Variants in CCDC93 observed in about 807,000 individuals in gnomAD.
CCDC93 encodes the protein coiled-coil domain-containing protein 93.
Under a neutral mutation model 108.2 loss-of-function variants are expected in CCDC93, and 61 were observed. The ratio of observed to expected loss-of-function variants is 0.56; its 90% CI spans 0.46 to 0.70. The LOEUF (loss-of-function observed/expected upper bound fraction) is 0.70. Ranked by LOEUF, CCDC93 falls within the 30% of genes least tolerant of loss-of-function variation. CCDC93 has a pLI of 0.00. For synonymous variants in CCDC93, 276 were observed against 260.4 expected, an observed-to-expected ratio of 1.06 and a Z score of -0.58; for missense variants, 685 against 764.2, an observed-to-expected ratio of 0.90 and a Z score of 1.22.
intron 7 of CCDC93, among the ~76,000 whole-genome samples, chr2:117,980,511 A>T (rs1680083898): frequency 6.6e-6 from 1 of 152,144 alleles, no homozygotes; most frequent in Non-Finnish European, 1.5e-5. Context: ...ACTCCTCCTT[A>T]AAGACAGAGG....
At chr2:117,980,546 C>T (rs1174201830) in intron 7 of CCDC93, among the ~76,000 whole-genome samples, 1 of 152,148 alleles carries the variant, frequency 6.6e-6, no homozygotes, top group African/African-American at 2.4e-5. Context: ...TTTTAGTAAG[C>T]CCTCCAGATG....
intron 6 of CCDC93, among the ~76,000 whole-genome samples, chr2:117,989,874 C>T (rs1366703945): frequency 6.6e-6 from 1 of 152,172 alleles, no homozygotes; most frequent in Admixed American, 6.5e-5. Context: ...ATGAAAAGGA[C>T]TTCCTCACAG....
At chr2:117,985,714 C>A (rs1051833265) in intron 7 of CCDC93, among the ~76,000 whole-genome samples, 3 of 152,142 alleles carry the variant, frequency 2.0e-5, no homozygotes, top group African/African-American at 7.2e-5. Context: ...CAGAGTACCT[C>A]AGCCTCTGTA....
intron 14 of CCDC93, 30 bp from the exon 15 acceptor site, chr2:117,948,216 T>C (rs751379105): frequency 4.6e-6 from 7 of 1,512,342 alleles, no homozygotes; most frequent in Non-Finnish European, 6.4e-6. Flanking sequence ...AAATGACATA[T>C]GGCAGGCCAT....
intron 11 of CCDC93, among the ~76,000 whole-genome samples, chr2:117,963,626 T>C (rs1679462842): frequency 6.6e-6 from 1 of 152,252 alleles, no homozygotes; most frequent in African/African-American, 2.4e-5. Context: ...TCTAAGGCTT[T>C]GCTTTGGGTC....
At chr2:117,930,754 G>T in intron 23 of CCDC93, 1 of 249,166 alleles carries the variant, frequency 4.0e-6, no homozygotes, top group Non-Finnish European at 7.7e-6. Flanking sequence ...CCCTTGATAC[G>T]GACTGATGGA....
At chr2:118,008,885 C>G in intron 1 of CCDC93, 1 of 503,662 alleles carries the variant, frequency 2.0e-6, no homozygotes, top group Non-Finnish European at 3.6e-6. Context: ...ATCTTCATAG[C>G]TGAGGGAGAC....
At position 117,989,266 on chromosome 2, in the gene CCDC93, C is replaced by A. The variant is rs373941901; in HGVS notation, c.520-3197G>T. ...ATAGGTCTCTGACCACAGACTCCCCCCTGTGTGATGCTGAGCAACATCACC... is the reference window on the plus strand; with the variant it reads ...ATAGGTCTCTGACCACAGACTCCCCACTGTGTGATGCTGAGCAACATCACC... On this transcript the variant is annotated intron_variant, in intron 6 of 23. Transcript: ENST00000376300. 1.4e-4 allele frequency among the ~76,000 whole-genome samples: 22 copies of A among 152,260 alleles called. No individual in the cohort carries two copies. The South Asian group carries it at 2.7e-3, about 19-fold the overall frequency.
At chr2:117,928,333 A>G (rs1036286476) in intron 23 of CCDC93, among the ~76,000 whole-genome samples, 1 of 152,210 alleles carries the variant, frequency 6.6e-6, no homozygotes, top group African/African-American at 2.4e-5. Context: ...CAACCTAAAG[A>G]ATGGGAGAAA....
intron 16 of CCDC93, among the ~76,000 whole-genome samples, chr2:117,946,210 G>T (rs1480554350): frequency 1.3e-5 from 2 of 152,162 alleles, no homozygotes; most frequent in African/African-American, 4.8e-5. Context: ...TCTGGCGTGG[G>T]GTGGCTGGAC....
intron 18 of CCDC93, among the ~76,000 whole-genome samples, chr2:117,941,526 A>T (rs754802093): frequency 1.3e-5 from 2 of 152,104 alleles, no homozygotes; most frequent in Non-Finnish European, 2.9e-5. Context: ...CACAGAAGGC[A>T]CCAAATGAGT....
At chr2:117,944,847 G>T (rs1277684368) in intron 17 of CCDC93, 1 of 469,500 alleles carries the variant, frequency 2.1e-6, no homozygotes, top group Admixed American at 2.4e-5. Context: ...AAAGAAGGCA[G>T]ATGCTTACAG....
intron 7 of CCDC93, among the ~76,000 whole-genome samples, chr2:117,982,893 T>C (rs1197439909): frequency 1.3e-5 from 2 of 152,122 alleles, no homozygotes; most frequent in African/African-American, 4.8e-5. Context: ...AGACTTCCCA[T>C]ACACATGCTA....
intron 1 of CCDC93, among the ~76,000 whole-genome samples, chr2:118,013,459 C>T (rs1184632382): frequency 1.3e-5 from 2 of 152,084 alleles, no homozygotes; most frequent in African/African-American, 4.8e-5. Flanking sequence ...GCATTCCCTC[C>T]CGACAGCAAG....
chr2:118,010,896 A>G (rs1677005530), intron 1 of CCDC93, among the ~76,000 whole-genome samples: 1 of 152,102 alleles, frequency 6.6e-6, no homozygotes, highest in Admixed American at 6.5e-5. Context: ...TGAAATGGCC[A>G]CTCTCCTCAG....
chr2:117,956,592 A>T (rs12474108), intron 12 of CCDC93, among the ~76,000 whole-genome samples: 59,559 of 151,998 alleles, frequency 0.39, 12,316 homozygotes, highest in East Asian at 0.67. Flanking sequence ...TTCTTTTTGA[A>T]CCATTCTTAT....
In CCDC93 at chr2:117,952,434, A is replaced by G; in HGVS notation, c.1007T>C (p.Leu336Pro). 3 of 1,611,022 alleles carry G rather than the reference A, an allele frequency of 1.9e-6. No individual in the cohort carries two copies. Among genetic ancestry groups the G allele is most frequent in the Non-Finnish European group, 8.5e-7 (1 of 1,177,154 alleles). The change falls in exon 13 of 24, where the codon CTG becomes CCG. Residue 336 changes from leucine (L) to proline (P), a missense_variant and splice_region_variant. Coordinates refer to ENST00000376300, the MANE Select transcript of CCDC93 (RefSeq NM_019044.5). ...IAQKTKHLEE[L>P]RASHTSLQAR... is the part of the protein sequence containing the mutation. ...TTGTAGGCTGGTGTGACTTGCTCGC[A>G]GCTGTAAATGAAAGATAAAAGACAT...
Position 117,968,348 on chromosome 2 carries a change from C to T in CCDC93, c.888+5560G>A, listed in dbSNP as rs569121496. Among the ~76,000 whole-genome samples, 5 of 152,272 alleles carry T rather than the reference C, an allele frequency of 3.3e-5. No homozygotes were observed. The South Asian group carries it at 1.0e-3, about 32-fold the overall frequency. ...AATCAGAGTAATAGATTCTTCTTCC[C>T]TGTAAAAATAAATGCTATGATGCAG... On this transcript the variant is annotated intron_variant, in intron 11 of 23. Coordinates refer to ENST00000376300, the MANE Select transcript of CCDC93 (RefSeq NM_019044.5).
intron 22 of CCDC93, 26 bp downstream of exon 22, chr2:117,935,469 G>A (rs1166511127): frequency 6.5e-6 from 10 of 1,549,524 alleles, no homozygotes; most frequent in Non-Finnish European, 8.9e-6. Flanking sequence ...AACCTGGGCT[G>A]CATTACAGAA....
Sources: gnomAD v4.1 joint callset for allele counts (sites outside exome capture counted in the v4.1 genomes callset) on GRCh38, gnomAD v4.1.1 for gene constraint, MANE v1.5 for transcripts, NCBI Gene and HGNC (gene_info 2026-07-23, HGNC 2026-07-21) for gene names.